SLC25A21: variants seen among roughly 807,000 people sequenced by gnomAD.
SLC25A21 encodes solute carrier family 25 member 21.
A neutral mutation model predicts 43.8 loss-of-function variants in SLC25A21; 47 were observed. The ratio of observed to expected loss-of-function variants is 1.07; its 90% confidence interval spans 0.85 to 1.37. SLC25A21 has a LOEUF of 1.37. Ranked by LOEUF, SLC25A21 falls within the 40% of genes most tolerant of loss-of-function variation. The pLI is 0.00. For synonymous variants in SLC25A21, 131 were observed against 121.3 expected, an observed-to-expected ratio of 1.08 and a Z score of -0.52; for missense variants, 352 against 350.2, an observed-to-expected ratio of 1.00 and a Z score of -0.04.
At chr14:36,911,536 A>G (rs970305874) in intron 1 of SLC25A21, among the ~76,000 whole-genome samples, 1 of 149,796 alleles carries the variant, frequency 6.7e-6, no homozygotes, top group African/African-American at 2.4e-5. Context: ...TTATATAAGC[A>G]GAGACTTGAA....
At chr14:37,153,225 C>G (rs1010198177) in intron 1 of SLC25A21, among the ~76,000 whole-genome samples, 1 of 152,170 alleles carries the variant, frequency 6.6e-6, no homozygotes, top group Non-Finnish European at 1.5e-5. Flanking sequence ...TTTATAAGAC[C>G]TAAGAAGCTA....
At chr14:36,738,916 A>G (rs1464647024) in intron 3 of SLC25A21, among the ~76,000 whole-genome samples, 2 of 152,210 alleles carry the variant, frequency 1.3e-5, no homozygotes, top group African/African-American at 2.4e-5. Flanking sequence ...ACACATGGTA[A>G]TCTCAATCAA....
intron 3 of SLC25A21, among the ~76,000 whole-genome samples, chr14:36,758,494 G>A (rs879359705): frequency 6.6e-6 from 1 of 151,616 alleles, no homozygotes; most frequent in South Asian, 2.1e-4. Context: ...TCAGGACTCC[G>A]GGCATGTTTG....
intron 5 of SLC25A21, 87 bp downstream of exon 5, chr14:36,729,420 G>T: frequency 1.0e-6 from 1 of 997,268 alleles, no homozygotes; most frequent in Admixed American, 3.1e-5. Flanking sequence ...TTAGTAGCTG[G>T]GCTTGGAAAT....
intron 1 of SLC25A21, among the ~76,000 whole-genome samples, chr14:36,938,203 C>G (rs890320385): frequency 6.6e-6 from 1 of 152,108 alleles, no homozygotes; most frequent in Non-Finnish European, 1.5e-5. Context: ...CTTCATCTTT[C>G]TTCGAGAAGC....
chr14:36,836,671 C>T (rs560620855), intron 2 of SLC25A21, among the ~76,000 whole-genome samples: 2 of 152,236 alleles, frequency 1.3e-5, no homozygotes, highest in South Asian at 4.2e-4. Flanking sequence ...AGGTAGGCAT[C>T]AGGGTACCTA....
intron 1 of SLC25A21, among the ~76,000 whole-genome samples, chr14:36,958,614 C>T (rs966260805): frequency 1.3e-5 from 2 of 152,076 alleles, no homozygotes; most frequent in South Asian, 4.1e-4. Context: ...GGGAGACTGG[C>T]AATCTCCTCC....
chr14:36,766,900 A>G (rs1354416161), intron 3 of SLC25A21, among the ~76,000 whole-genome samples: 2 of 152,210 alleles, frequency 1.3e-5, no homozygotes, highest in African/African-American at 4.8e-5. Flanking sequence ...CATTCAGCAC[A>G]ATATGTGGCA....
chr14:37,057,341 T>C (rs1280102061), intron 1 of SLC25A21, among the ~76,000 whole-genome samples: 4 of 152,344 alleles, frequency 2.6e-5, no homozygotes, highest in East Asian at 1.9e-4. Flanking sequence ...ATTTATATAG[T>C]ATATTTTTCC....
Position 37,136,175 on chromosome 14 carries a change from C to T in SLC25A21, c.70+36106G>A, listed in dbSNP as rs570377253. Among the ~76,000 whole-genome samples, 105 of 152,238 alleles carry T rather than the reference C, an allele frequency of 6.9e-4. 3 individuals are homozygous for T. In the South Asian group the frequency reaches 0.017, roughly 25 times the overall value. ...GACATTCTGATCTCCTGACTGTACT[C>T]TAGTAGTTATCTTAGTATGTGCTAG... On this transcript the variant is annotated intron_variant, in intron 1 of 9. Transcript: ENST00000331299.
At chr14:36,896,693 T>A (rs963110571) in intron 1 of SLC25A21, among the ~76,000 whole-genome samples, 2 of 152,192 alleles carry the variant, frequency 1.3e-5, no homozygotes, top group Admixed American at 6.5e-5. Context: ...TTCCTTTCCA[T>A]GTTTAGTACT....
At chr14:37,153,389 AAGCAAGACATG>A (rs1256034012) in intron 1 of SLC25A21, among the ~76,000 whole-genome samples, 1 of 152,250 alleles carries the variant, frequency 6.6e-6, no homozygotes, top group Admixed American at 6.5e-5. Flanking sequence ...GATAAGAAGC[AAGCAAGACATG>A]AGCTGCAGCA....
At chr14:36,882,708 T>G (rs1263231611) in intron 1 of SLC25A21, among the ~76,000 whole-genome samples, 1 of 151,896 alleles carries the variant, frequency 6.6e-6, no homozygotes, top group East Asian at 1.9e-4. Flanking sequence ...AATTTACATT[T>G]CCAGTCCAGA....
chr14:36,891,796 TG>T (rs1432261588), intron 1 of SLC25A21, among the ~76,000 whole-genome samples: 2 of 152,106 alleles, frequency 1.3e-5, no homozygotes, highest in Non-Finnish European at 2.9e-5. Flanking sequence ...TCCCACTAAC[TG>T]GAACTTCAAA....
At chr14:36,868,676 C>A (rs1223385211) in intron 2 of SLC25A21, among the ~76,000 whole-genome samples, 1 of 152,192 alleles carries the variant, frequency 6.6e-6, no homozygotes, top group African/African-American at 2.4e-5. Flanking sequence ...TTAATGCTTT[C>A]TCCAAACCCT....
intron 1 of SLC25A21, among the ~76,000 whole-genome samples, chr14:37,151,158 T>C (rs1238370308): frequency 1.3e-5 from 2 of 152,194 alleles, no homozygotes; most frequent in African/African-American, 4.8e-5. Context: ...ACGTTCTCCC[T>C]ACAGTAGTCT....
At chr14:37,061,585 A>G (rs1296724170) in intron 1 of SLC25A21, among the ~76,000 whole-genome samples, 2 of 152,212 alleles carry the variant, frequency 1.3e-5, no homozygotes, top group African/African-American at 2.4e-5. Flanking sequence ...GAGAACAATG[A>G]GGAACAAAAT....
At chr14:36,796,387 C>A (rs1403656370) in intron 3 of SLC25A21, among the ~76,000 whole-genome samples, 1 of 102,068 alleles carries the variant, frequency 9.8e-6, no homozygotes, top group Non-Finnish European at 2.2e-5. Flanking sequence ...CTCTCTTTCT[C>A]TTTCTTTCTC....
At chr14:36,969,710 C>A (rs1959708061) in intron 1 of SLC25A21, among the ~76,000 whole-genome samples, 1 of 151,750 alleles carries the variant, frequency 6.6e-6, no homozygotes, top group South Asian at 2.1e-4. Context: ...TATACTGGTC[C>A]CAAACTCTTG....
Sources: allele counts gnomAD v4.1 joint callset (sites outside exome capture counted in the v4.1 genomes callset), GRCh38; gene constraint gnomAD v4.1.1; transcripts MANE v1.5; gene names NCBI Gene and HGNC (gene_info 2026-07-23, HGNC 2026-07-21).